ACSBG1: variants seen among roughly 807,000 people sequenced by gnomAD.
ACSBG1 encodes acyl-CoA synthetase bubblegum family member 1.
In ACSBG1, 39 loss-of-function variants were observed where a neutral mutation model predicts 80.2. The observed-to-expected ratio is 0.49, with a 90% CI of 0.38 to 0.64. The LOEUF is 0.64. Ranked by LOEUF, ACSBG1 falls within the 30% of genes least tolerant of loss-of-function variation. The pLI, the probability that ACSBG1 is intolerant of heterozygous loss-of-function variation, is 0.00. For missense variants in ACSBG1, 828 were observed against 966.4 expected (o/e 0.86, Z 1.90); for synonymous variants, 392 against 379.5 (o/e 1.03, Z -0.38).
chr15:78,183,220 C>T (rs992345195), intron 5 of ACSBG1, among the ~76,000 whole-genome samples: 1 of 152,164 alleles, frequency 6.6e-6, no homozygotes, highest in Non-Finnish European at 1.5e-5. Context: ...GCATAGTATG[C>T]TATATTTGTG....
In ACSBG1 at chr15:78,218,755, A is replaced by G. The variant is rs367902260; in HGVS notation, c.132-10653T>C. ...GATGATTGAGTTTCAAATCGAGGCAATCTGACTTCAGATTGCATCTCCCTT... is the reference window on the plus strand; with the variant it reads ...GATGATTGAGTTTCAAATCGAGGCAGTCTGACTTCAGATTGCATCTCCCTT... On this transcript the variant is annotated intron_variant, in intron 1 of 13. Coordinates refer to ENST00000258873, the MANE Select transcript of ACSBG1 (RefSeq NM_015162.5). 4.2e-4 allele frequency among the ~76,000 whole-genome samples: 64 copies of G among 151,318 alleles called. 1 individual carries two copies. Among genetic ancestry groups the G allele is most frequent in the South Asian group, 2.3e-3 (11 of 4,772 alleles).
chr15:78,207,891 C>T (rs1371884845), intron 2 of ACSBG1, 111 bp downstream of exon 2: 3 of 832,190 alleles, frequency 3.6e-6, no homozygotes, highest in African/African-American at 3.4e-5. Context: ...TCCCCAGCTG[C>T]TCCTTCCCGC....
At chr15:78,200,662 C>T (rs1398053934) in intron 2 of ACSBG1, among the ~76,000 whole-genome samples, 1 of 152,170 alleles carries the variant, frequency 6.6e-6, no homozygotes, top group East Asian at 1.9e-4. Context: ...AGGAAGACCC[C>T]GGCACCACAT....
chr15:78,203,659 G>C (rs1243084374), intron 2 of ACSBG1, among the ~76,000 whole-genome samples: 1 of 152,236 alleles, frequency 6.6e-6, no homozygotes, highest in Non-Finnish European at 1.5e-5. Flanking sequence ...GGCGTCTAAA[G>C]AGCAAAGGCA....
chr15:78,178,421 C>T lies in ACSBG1; in HGVS notation c.1702+193G>A, dbSNP rs2074904720. Among the ~76,000 whole-genome samples the T allele has an allele frequency of 6.6e-6, 1 of 152,302 alleles. No homozygotes were observed. Among genetic ancestry groups the T allele is most frequent in the Middle Eastern group, 3.4e-3 (1 of 294 alleles). ...TCAAGTAATTCTCGTGCCTCAGCCTCCCGAATAGCTGGGATTACAGGTGCA... is the reference window on the plus strand; with the variant it reads ...TCAAGTAATTCTCGTGCCTCAGCCTTCCGAATAGCTGGGATTACAGGTGCA... On this transcript the variant is annotated intron_variant, in intron 11 of 13. Transcript: ENST00000258873. This position sits in a 1 kb window ranked among gnomAD's most constrained non-coding sequence, Gnocchi z 4.3.
chr15:78,195,279 T>A (rs981481463), intron 2 of ACSBG1, among the ~76,000 whole-genome samples: 19 of 152,172 alleles, frequency 1.2e-4, no homozygotes, highest in Non-Finnish European at 2.5e-4. Context: ...AAATGAGGTG[T>A]CTCATTTAGT....
intron 1 of ACSBG1, among the ~76,000 whole-genome samples, chr15:78,232,650 T>G (rs972525499): frequency 1.3e-4 from 20 of 152,012 alleles, no homozygotes; most frequent in African/African-American, 4.8e-4. Flanking sequence ...CTCATGCCTG[T>G]CTACCCCTGC....
At chr15:78,229,357 G>A (rs2075428887) in intron 1 of ACSBG1, among the ~76,000 whole-genome samples, 1 of 152,208 alleles carries the variant, frequency 6.6e-6, no homozygotes, top group Non-Finnish European at 1.5e-5. Context: ...CAGTGGGAGT[G>A]GGAAGAATTT....
Position 78,230,434 on chromosome 15 carries a change from G to A in ACSBG1, c.131+3937C>T, listed in dbSNP as rs568609789. ...TCCCCTCTGCAACACTGGGAAGCAG[G>A]GGGAAGATAAGCCCCTCTCAGGCTA... is the stretch of plus-strand genomic sequence containing the variant. On this transcript the variant is annotated intron_variant, in intron 1 of 13. Coordinates refer to ENST00000258873, the MANE Select transcript of ACSBG1 (RefSeq NM_015162.5). Among the ~76,000 whole-genome samples, 55 of 152,316 alleles carry A rather than the reference G, an allele frequency of 3.6e-4. No homozygotes were observed. The South Asian group carries it at 0.011, about 29-fold the overall frequency.
In ACSBG1 at chr15:78,180,946, C is replaced by T. The variant is rs527718769; in HGVS notation, c.1072-10G>A. The T allele has an allele frequency of 1.2e-6, 2 of 1,611,448 alleles. No individual in the cohort carries two copies. Among genetic ancestry groups the T allele is most frequent in the Non-Finnish European group, 1.7e-6 (2 of 1,178,092 alleles). On this transcript the variant is annotated splice_polypyrimidine_tract_variant and intron_variant, in intron 8 of 13. Coordinates refer to ENST00000258873, the MANE Select transcript of ACSBG1 (RefSeq NM_015162.5). ...TGTTCACCAGGCTCCCCTGTTCACA[C>T]CAGAAGAGGCAGGCCTGTTGGGTCA...
chr15:78,227,397 T>G (rs185871386), intron 1 of ACSBG1, among the ~76,000 whole-genome samples: 87 of 151,866 alleles, frequency 5.7e-4, no homozygotes, highest in African/African-American at 2.0e-3. Context: ...AGCTAAAGAT[T>G]TGAAAAGATA....
At chr15:78,229,240 CA>C (rs1221225365) in intron 1 of ACSBG1, among the ~76,000 whole-genome samples, 1 of 151,956 alleles carries the variant, frequency 6.6e-6, no homozygotes, top group Non-Finnish European at 1.5e-5. Flanking sequence ...GATTATTCTA[CA>C]ATAAACAATT....
chr15:78,225,526 C>T (rs1205354958), intron 1 of ACSBG1, among the ~76,000 whole-genome samples: 2 of 151,608 alleles, frequency 1.3e-5, no homozygotes, highest in African/African-American at 4.8e-5. Context: ...TGCAAGATAC[C>T]TACACTGAAA....
At position 78,169,661 on chromosome 15, in the gene ACSBG1, T is replaced by A. The variant is rs2141309505; in HGVS notation, c.*1783A>T. ...AATAAGACAAAGGTAATATATTGGA[T>A]ACAAAGACACAAATGTATTGTGTGT... On this transcript the variant is annotated 3_prime_UTR_variant, in exon 14 of 14. Transcript: ENST00000258873. The A allele has an allele frequency of 6.6e-6, 1 of 152,358 alleles. No individual in the cohort carries two copies. Among genetic ancestry groups the A allele is most frequent in the Non-Finnish European group, 1.5e-5 (1 of 68,030 alleles). The allele number at this position is 152,358 out of a possible 1,614,324, so 9.4% of individuals were successfully genotyped here.
rs1346114007 is a variant in ACSBG1, at chr15:78,169,209, G to A, written c.*2235C>T. ...TTCAAAGAACTTTTTCCAAGTGCTTGTTTTATTTATTAAGTGTCTACCTGG... is the reference window on the plus strand; with the variant it reads ...TTCAAAGAACTTTTTCCAAGTGCTTATTTTATTTATTAAGTGTCTACCTGG... On this transcript the variant is annotated 3_prime_UTR_variant, in exon 14 of 14. Transcript: ENST00000258873. 5.2e-6 allele frequency: 2 copies of A among 381,062 alleles called. No homozygotes were observed. The highest frequency in any genetic ancestry group is 3.8e-5 in the East Asian group (1 of 26,122). The allele number at this position is 381,062 out of a possible 1,614,324, so 23.6% of individuals were successfully genotyped here.
At chr15:78,207,914 T>C (rs777054947) in intron 2 of ACSBG1, 88 bp downstream of exon 2, 73 of 934,454 alleles carry the variant, frequency 7.8e-5, no homozygotes, top group Non-Finnish European at 1.0e-4. Flanking sequence ...TTCTGTGTGG[T>C]GGTCCCCCAC....
chr15:78,204,625 A>AT (rs374144677), intron 2 of ACSBG1, among the ~76,000 whole-genome samples: 7 of 152,192 alleles, frequency 4.6e-5, no homozygotes, highest in African/African-American at 1.7e-4. Flanking sequence ...ACCTGTTTCC[A>AT]TATCATGGAG....
chr15:78,177,329 T>G lies in ACSBG1; in HGVS notation c.1702+1285A>C, dbSNP rs1261211547. ...ACAGAATAGAGTCCACACATAGACCTCTCATAGACAGTCACTTCATAAAGG... is the reference window on the plus strand; with the variant it reads ...ACAGAATAGAGTCCACACATAGACCGCTCATAGACAGTCACTTCATAAAGG... On this transcript the variant is annotated intron_variant, in intron 11 of 13. Transcript: ENST00000258873. This position sits in a 1 kb window ranked among gnomAD's most constrained non-coding sequence, Gnocchi z 4.1. 1.3e-5 allele frequency among the ~76,000 whole-genome samples: 2 copies of G among 152,106 alleles called. No homozygotes were observed. The highest frequency in any genetic ancestry group is 4.8e-5 in the African/African-American group (2 of 41,404).
At chr15:78,208,909 A>C (rs144715785) in intron 1 of ACSBG1, among the ~76,000 whole-genome samples, 9 of 152,340 alleles carry the variant, frequency 5.9e-5, no homozygotes, top group African/African-American at 1.7e-4. Context: ...TAGATGGCTG[A>C]GCAGCTGGAT....
Sources: gnomAD v4.1 joint callset for allele counts (sites outside exome capture counted in the v4.1 genomes callset) on GRCh38, gnomAD v4.1.1 for gene constraint, Gnocchi (gnomAD v3.1) non-coding constraint, MANE v1.5 for transcripts, NCBI Gene and HGNC (gene_info 2026-07-23, HGNC 2026-07-21) for gene names.